Variants in KCNH7 observed in about 807,000 individuals in gnomAD.
The protein encoded by KCNH7 is potassium voltage-gated channel subfamily H member 7, also known as voltage-gated inwardly rectifying potassium channel KCNH7.
Under a neutral mutation model 120.8 loss-of-function variants are expected in KCNH7, and 49 were observed. The ratio of observed to expected loss-of-function variants is 0.41; its 90% CI spans 0.32 to 0.51. The LOEUF is 0.51. Ranked by LOEUF, KCNH7 falls within the 20% of genes least tolerant of loss-of-function variation. The probability of loss-of-function intolerance (pLI) is 0.38; values close to 1 mark genes in which losing one functional copy is unlikely to be tolerated. For synonymous variants in KCNH7, 547 were observed against 516.1 expected, an observed-to-expected ratio of 1.06 and a Z score of -0.81; for missense variants, 1,097 against 1,446.6, an observed-to-expected ratio of 0.76 and a Z score of 3.92.
Position 162,670,470 on chromosome 2 carries a change from CAAAAAAA to C in KCNH7, c.308-133397_308-133391del, listed in dbSNP as rs61610131. 2.3e-4 allele frequency among the ~76,000 whole-genome samples: 11 copies of C among 48,236 alleles called. No individual in the cohort carries two copies. The South Asian group carries it at 3.3e-3, about 14-fold the overall frequency. The allele number at this position is 48,236 out of a possible 152,430, so 31.6% of individuals were successfully genotyped here. On this transcript the variant is annotated intron_variant, in intron 2 of 15. Transcript: ENST00000332142. ...CCTGGGCAACAAGAGCGAACTCTGT[CAAAAAAA>C]AAAAAAAAAAAAAAAGAAAAATATT...
intron 2 of KCNH7, among the ~76,000 whole-genome samples, chr2:162,753,191 T>C (rs1284209789): frequency 6.6e-6 from 1 of 151,952 alleles, no homozygotes; most frequent in African/African-American, 2.4e-5. Flanking sequence ...ATCGTGAGAA[T>C]GGATAACATT....
rs140501872 is a variant in KCNH7, at chr2:162,752,902, G to GAAAAAAGAAAAGAAAAGAAAAGAAAAGAA, written c.307+83634_307+83635insTTCTTTTCTTTTCTTTTCTTTTCTTTTTT. 1.5e-4 allele frequency among the ~76,000 whole-genome samples: 9 copies of GAAAAAAGAAAAGAAAAGAAAAGAAAAGAA among 61,280 alleles called. 2 individuals are homozygous for GAAAAAAGAAAAGAAAAGAAAAGAAAAGAA. The highest frequency in any genetic ancestry group is 2.7e-5 in the Non-Finnish European group (1 of 36,518). 40.2% of individuals were successfully genotyped at this position (61,280 alleles called of 152,430 possible). On this transcript the variant is annotated intron_variant, in intron 2 of 15. Coordinates refer to ENST00000332142, the MANE Select transcript of KCNH7 (RefSeq NM_033272.4). ...GGCAAAAGAGCAAGACTACATCTCA[G>GAAAAAAGAAAAGAAAAGAAAAGAAAAGAA]AAAAAGAAAAGAAAAGAAAAGAAAA...
chr2:162,830,973 A>G (rs1685458464), intron 2 of KCNH7, among the ~76,000 whole-genome samples: 1 of 152,192 alleles, frequency 6.6e-6, no homozygotes, highest in African/African-American at 2.4e-5. Flanking sequence ...AGACAACACA[A>G]TACTTGAAAT....
chr2:162,643,697 T>A (rs1290403830), intron 2 of KCNH7, among the ~76,000 whole-genome samples: 1 of 150,950 alleles, frequency 6.6e-6, no homozygotes, highest in Non-Finnish European at 1.5e-5. Context: ...TCCCAGCTAC[T>A]TGGGAGGCTG....
intron 6 of KCNH7, among the ~76,000 whole-genome samples, chr2:162,463,763 T>A (rs975350715): frequency 4.7e-5 from 7 of 148,178 alleles, no homozygotes; most frequent in Non-Finnish European, 7.4e-5. Context: ...TTACTAAGAA[T>A]CTCTCTTCCA....
intron 6 of KCNH7, among the ~76,000 whole-genome samples, chr2:162,451,858 C>T (rs536121578): frequency 2.6e-5 from 4 of 152,100 alleles, no homozygotes; most frequent in Non-Finnish European, 4.4e-5. Context: ...CTCACTTGTG[C>T]CATATTCTAT....
At chr2:162,375,948 C>T (rs1686158129) in intron 14 of KCNH7, among the ~76,000 whole-genome samples, 1 of 150,320 alleles carries the variant, frequency 6.7e-6, no homozygotes, top group Admixed American at 6.6e-5. Flanking sequence ...GACTAAATAG[C>T]CTGCTTTACT....
At chr2:162,498,316 C>CATTTA (rs56162627) in intron 6 of KCNH7, among the ~76,000 whole-genome samples, 84,567 of 148,450 alleles carry the variant, frequency 0.57, 28,128 homozygotes, top group Non-Finnish European at 0.77. Context: ...GGCCTTGTAG[C>CATTTA]ATTTAATTTA....
At chr2:162,507,401 A>G (rs1317856245) in intron 5 of KCNH7, among the ~76,000 whole-genome samples, 1 of 151,662 alleles carries the variant, frequency 6.6e-6, no homozygotes, top group Non-Finnish European at 1.5e-5. Flanking sequence ...TCATACTATG[A>G]AAAGGAACCT....
intron 2 of KCNH7, among the ~76,000 whole-genome samples, chr2:162,621,212 T>G (rs1458922315): frequency 6.6e-6 from 1 of 150,928 alleles, no homozygotes; most frequent in Non-Finnish European, 1.5e-5. Context: ...GATTTTTTTT[T>G]GTTTGTTTTT....
Position 162,684,511 on chromosome 2 carries a change from C to T in KCNH7, c.308-147431G>A, listed in dbSNP as rs148802587. On this transcript the variant is annotated intron_variant, in intron 2 of 15. Coordinates refer to ENST00000332142, the MANE Select transcript of KCNH7 (RefSeq NM_033272.4). ...CTTAAACAAATTTACAAGAAAAAAA[C>T]AAACAACCCCATCAAAATGTGGGCC... Among the ~76,000 whole-genome samples, 115 of 152,036 alleles carry T rather than the reference C, an allele frequency of 7.6e-4. 1 individual carries two copies. The highest frequency in any genetic ancestry group is 2.7e-3 in the African/African-American group (112 of 41,484).
At chr2:162,737,937 T>C (rs1687976156) in intron 2 of KCNH7, among the ~76,000 whole-genome samples, 1 of 151,950 alleles carries the variant, frequency 6.6e-6, no homozygotes, top group African/African-American at 2.4e-5. Context: ...TGGTGGCGCA[T>C]GCCTATAATC....
rs1690664030 is a variant in KCNH7, at chr2:162,500,846, A to G, written c.1128+3597T>C. ...CAGGCCTAAAGAAAATAAAAAGACAAGTAAAGTCTTTTGGTTATTACTAAG... is the reference window on the plus strand; with the variant it reads ...CAGGCCTAAAGAAAATAAAAAGACAGGTAAAGTCTTTTGGTTATTACTAAG... On this transcript the variant is annotated intron_variant, in intron 6 of 15. Coordinates refer to ENST00000332142, the MANE Select transcript of KCNH7 (RefSeq NM_033272.4). 2.0e-5 allele frequency among the ~76,000 whole-genome samples: 3 copies of G among 152,208 alleles called. No individual in the cohort carries two copies. In the South Asian group the frequency reaches 6.2e-4, roughly 32 times the overall value.
intron 3 of KCNH7, among the ~76,000 whole-genome samples, chr2:162,534,429 G>A (rs970243715): frequency 1.3e-5 from 2 of 151,234 alleles, no homozygotes; most frequent in African/African-American, 4.8e-5. Context: ...AAAAACTATA[G>A]GAACTGAGGA....
chr2:162,622,241 T>C (rs1347563612), intron 2 of KCNH7, among the ~76,000 whole-genome samples: 1 of 152,134 alleles, frequency 6.6e-6, no homozygotes, highest in Non-Finnish European at 1.5e-5. Flanking sequence ...TAAAACATCA[T>C]GGGAGAGAGT....
intron 6 of KCNH7, among the ~76,000 whole-genome samples, chr2:162,491,851 G>A (rs924774456): frequency 1.3e-5 from 2 of 152,098 alleles, no homozygotes; most frequent in African/African-American, 4.8e-5. Context: ...TCTCTCAAAT[G>A]CCTCCTGAAT....
chr2:162,792,762 GGTGTGT>G (rs59397474), intron 2 of KCNH7, among the ~76,000 whole-genome samples: 6,531 of 124,836 alleles, frequency 0.052, 191 homozygotes, highest in South Asian at 0.087. Flanking sequence ...TCTTTTGAAT[GGTGTGT>G]GTGTGTGTGT....
chr2:162,445,522 A>C (rs1688551193), intron 7 of KCNH7, among the ~76,000 whole-genome samples: 4 of 152,162 alleles, frequency 2.6e-5, no homozygotes. Context: ...TTCCAACTTT[A>C]TTAGGCATTG....
chr2:162,479,156 A>T (rs765103042), intron 6 of KCNH7, among the ~76,000 whole-genome samples: 41 of 151,248 alleles, frequency 2.7e-4, no homozygotes, highest in Non-Finnish European at 4.6e-4. Context: ...TGGAAAAAAA[A>T]AAAGAATGTG....
Sources: gnomAD v4.1 joint callset for allele counts (sites outside exome capture counted in the v4.1 genomes callset) on GRCh38, gnomAD v4.1.1 for gene constraint, MANE v1.5 for transcripts, NCBI Gene and HGNC (gene_info 2026-07-23, HGNC 2026-07-21) for gene names.